KMT2B: variants seen among roughly 807,000 people sequenced by gnomAD.
KMT2B encodes histone-lysine N-methyltransferase 2B.
Under a neutral mutation model 255.3 loss-of-function variants are expected in KMT2B, and 22 were observed. The observed-to-expected ratio is 0.09, with a 90% CI of 0.06 to 0.12. The LOEUF (loss-of-function observed/expected upper bound fraction) is 0.12. KMT2B is among the 10% of genes least tolerant of loss of function. KMT2B has a pLI of 1.00. For synonymous variants in KMT2B, 1,730 were observed against 1,498.1 expected (o/e 1.15, Z -3.57); for missense variants, 3,149 against 3,737.0 (o/e 0.84, Z 4.10).
At chr19:35,719,639 C>T (rs1969100764) in intron 2 of KMT2B, 98 bp downstream of exon 2, 6 of 1,502,164 alleles carry the variant, frequency 4.0e-6, no homozygotes, top group South Asian at 2.4e-5. Context: ...TGTCAGTTGC[C>T]GAATGTGTTC....
Position 35,721,357 on chromosome 19 carries a change from T to A in KMT2B, c.2010T>A (p.Pro670=). ...ACGAATCGGTGCTTACTCCTCCTCC[T>A]CTTGGGGCTCCTGAAGCCCCTGAGC... ...KIYESVLTPP[P]LGAPEAPEPE... The change falls in exon 3 of 37, where the codon CCT becomes CCA. Residue 670 remains proline (P), a synonymous_variant. Transcript: ENST00000420124. 4.4e-6 allele frequency: 7 copies of A among 1,588,916 alleles called. No homozygotes were observed. The highest frequency in any genetic ancestry group is 6.0e-6 in the Non-Finnish European group (7 of 1,169,040).
chr19:35,731,344 G>A (rs1429151725), intron 26 of KMT2B, among the ~76,000 whole-genome samples: 1 of 152,242 alleles, frequency 6.6e-6, no homozygotes, highest in Non-Finnish European at 1.5e-5. Flanking sequence ...AATGGGCTTG[G>A]AGATGGGGGA....
In KMT2B at chr19:35,723,602, C is replaced by T; in HGVS notation, c.3058+100C>T. On this transcript the variant is annotated intron_variant, in intron 7 of 36. Transcript: ENST00000420124. The surrounding 1 kb of genome is among the most constrained non-coding windows in gnomAD (Gnocchi z 7.5). ...GCTCTCCTCCCTTGCAGCTCACCCT[C>T]TCCATCTTCTCCGTTGTGTGCTTTC... is the stretch of plus-strand genomic sequence containing the variant. 1 of 1,295,532 alleles carries T rather than the reference C, an allele frequency of 7.7e-7. No individual in the cohort carries two copies. Among genetic ancestry groups the T allele is most frequent in the Admixed American group, 2.5e-5 (1 of 40,006 alleles). The allele number at this position is 1,295,532 out of a possible 1,614,324, so 80.3% of individuals were successfully genotyped here.
In KMT2B at chr19:35,730,796, G is replaced by A; in HGVS notation, c.5366G>A (p.Arg1789Lys). 1.2e-6 allele frequency: 2 copies of A among 1,613,754 alleles called. No individual in the cohort carries two copies. The highest frequency in any genetic ancestry group is 1.3e-5 in the African/African-American group (1 of 75,058). Residue 1789 changes from arginine (R) to lysine (K), a missense_variant, in exon 26 of 37, where the codon AGG becomes AAG. By Grantham distance (26) the Arg-to-Lys change is conservative. Around this residue, in one of 18 missense-constraint regions of KMT2B, gnomAD observed 34 missense variants for 51.6 expected, o/e 0.66. Coordinates refer to ENST00000420124, the MANE Select transcript of KMT2B (RefSeq NM_014727.3). ...RILEYRPWGPREEPAHLEAAE... is the reference protein window; with the variant it reads ...RILEYRPWGPKEEPAHLEAAE... The stretch of plus-strand genomic sequence containing the variant: ...CTGGAGTATCGGCCATGGGGGCCGA[G>A]GGAAGAGCCAGCTCACCTGGAGGCT...
chr19:35,733,317 A>T lies in KMT2B; in HGVS notation c.6768A>T (p.Pro2256=). The change falls in exon 28 of 37, where the codon CCA becomes CCT. Residue 2256 remains proline, a synonymous_variant. Coordinates refer to ENST00000420124, the MANE Select transcript of KMT2B (RefSeq NM_014727.3). This position sits in a 1 kb window ranked among gnomAD's most constrained non-coding sequence, Gnocchi z 4.3. The part of the protein sequence containing the change: ...VGVVRPAPPP[P]PPPLTLVLSS... Reference sequence around the variant, plus strand: ...TGGTCCGCCCTGCCCCGCCCCCGCCACCCCCTCCCCTGACGCTGGTGCTGA... The same window carrying T: ...TGGTCCGCCCTGCCCCGCCCCCGCCTCCCCCTCCCCTGACGCTGGTGCTGA... 2 of 413,518 alleles carry T rather than the reference A, an allele frequency of 4.8e-6. No individual in the cohort carries two copies. Among genetic ancestry groups the T allele is most frequent in the Non-Finnish European group, 7.2e-6 (2 of 278,266 alleles). The allele number at this position is 413,518 out of a possible 1,614,324, so 25.6% of individuals were successfully genotyped here.
rs750048269 is a variant in KMT2B at position 35,733,326 on chromosome 19, C to T, written c.6777C>T (p.Pro2259=). 2 of 1,536,742 alleles carry T rather than the reference C, an allele frequency of 1.3e-6. No individual in the cohort carries two copies. The highest frequency in any genetic ancestry group is 1.8e-6 in the Non-Finnish European group (2 of 1,136,908). ...VRPAPPPPPP[P]LTLVLSSGPA... Reference sequence around the variant, plus strand: ...CTGCCCCGCCCCCGCCACCCCCTCCCCTGACGCTGGTGCTGAGCAGTGGGC... The same window carrying T: ...CTGCCCCGCCCCCGCCACCCCCTCCTCTGACGCTGGTGCTGAGCAGTGGGC... Residue 2259 remains proline, a synonymous_variant, in exon 28 of 37, where the codon CCC becomes CCT. Transcript: ENST00000420124. The surrounding 1 kb of genome is among the most constrained non-coding windows in gnomAD (Gnocchi z 4.3).
Position 35,733,856 on chromosome 19 carries a change from G to A in KMT2B, c.7143G>A (p.Gln2381=), listed in dbSNP as rs2146472773. 6.2e-7 allele frequency: 1 copy of A among 1,613,060 alleles called. No homozygotes were observed. Among genetic ancestry groups the A allele is most frequent in the South Asian group, 1.1e-5 (1 of 91,052 alleles). Residue 2381 remains glutamine (Q), a synonymous_variant, in exon 30 of 37, where the codon CAG becomes CAA. Transcript: ENST00000420124. This position sits in a 1 kb window ranked among gnomAD's most constrained non-coding sequence, Gnocchi z 4.3. ...DGPPDLLLES[Q]WHHYSGEASS... is the part of the protein sequence containing the mutation. ...CCCCAGACCTGCTGCTTGAGTCCCA[G>A]TGGCACCACTATTCAGGTAGGGACC...
chr19:35,722,939 G>A (rs1969279942), intron 5 of KMT2B, 56 bp from the exon 6 acceptor site: 1 of 1,477,578 alleles, frequency 6.8e-7, no homozygotes, highest in African/African-American at 1.4e-5. Context: ...AGGGAAGTGA[G>A]GTAGAAGCCT....
Position 35,723,826 on chromosome 19 carries a change from T to TG in KMT2B, c.3159dup (p.Pro1054AlafsTer34). ...CAGGCCCACGCCGGGGGGCGGGAGC[T>TG]GGGGGGCCCCGGGAGGAGGTGGTGG... On this transcript the variant is annotated frameshift_variant, in exon 8 of 37. Transcript: ENST00000420124. LOFTEE classifies it high-confidence loss of function. The surrounding 1 kb of genome is among the most constrained non-coding windows in gnomAD (Gnocchi z 7.5). 6.3e-7 allele frequency: 1 copy of TG among 1,595,810 alleles called. No individual in the cohort carries two copies. Among genetic ancestry groups the TG allele is most frequent in the Admixed American group, 1.8e-5 (1 of 57,126 alleles).
chr19:35,724,671 G>A lies in KMT2B; in HGVS notation c.3369G>A (p.Arg1123=). Residue 1123 remains arginine (R), a synonymous_variant, in exon 9 of 37, where the codon CGG becomes CGA. Transcript: ENST00000420124. ...TGCCAGAACCTGAGGAGCAGAGCCGGCCCCGCAAACCTACCCTGCAGCCTG... is the reference window on the plus strand; with the variant it reads ...TGCCAGAACCTGAGGAGCAGAGCCGACCCCGCAAACCTACCCTGCAGCCTG... ...LPLPEPEEQS[R]PRKPTLQPVL... The A allele has an allele frequency of 1.2e-6, 2 of 1,602,762 alleles. No individual in the cohort carries two copies. The highest frequency in any genetic ancestry group is 1.7e-6 in the Non-Finnish European group (2 of 1,175,104).
In KMT2B at chr19:35,728,904, G is replaced by T. The variant is rs770741992; in HGVS notation, c.4687+15G>T. 1.2e-5 allele frequency: 20 copies of T among 1,612,850 alleles called. No homozygotes were observed. Among genetic ancestry groups the T allele is most frequent in the Middle Eastern group, 1.6e-4 (1 of 6,084 alleles). On this transcript the variant is annotated intron_variant, in intron 20 of 36. Transcript: ENST00000420124. ...TCCCTCAGCAGGTACTGGGAAGTGG[G>T]GGTCCAGAAGCCAGGGCCCTGTGTT...
At position 35,732,007 on chromosome 19, in the gene KMT2B, G is replaced by A. The variant is rs770989958; in HGVS notation, c.5537G>A (p.Arg1846Gln). Reference protein sequence around the residue: ...SPIQNLDPPLRPDSGSAPPPA... With the variant: ...SPIQNLDPPLQPDSGSAPPPA... ...ATTCAGAACCTGGACCCTCCACTGC[G>A]GCCAGATTCAGGCAGCGCCCCTCCT... Residue 1846 changes from arginine to glutamine, a missense_variant, in exon 27 of 37, where the codon CGG becomes CAG. Coordinates refer to ENST00000420124, the MANE Select transcript of KMT2B (RefSeq NM_014727.3). 38 of 1,613,640 alleles carry A rather than the reference G, an allele frequency of 2.4e-5. No homozygotes were observed. The highest frequency in any genetic ancestry group is 1.6e-4 in the Middle Eastern group (1 of 6,082).
rs1251020962 is a variant in KMT2B at position 35,727,797 on chromosome 19, A to G, written c.4392+10A>G. The G allele has an allele frequency of 2.5e-6, 4 of 1,613,626 alleles. No individual in the cohort carries two copies. The highest frequency in any genetic ancestry group is 3.4e-6 in the Non-Finnish European group (4 of 1,179,632). The stretch of plus-strand genomic sequence containing the variant: ...CCACTACAAGTCTGTGGTGAGTGGT[A>G]CACCAGGAGGAGCAGGTGGGTGGCA... On this transcript the variant is annotated intron_variant, in intron 17 of 36. Transcript: ENST00000420124. The surrounding 1 kb of genome is among the most constrained non-coding windows in gnomAD (Gnocchi z 4.2).
chr19:35,723,685 A>T lies in KMT2B; in HGVS notation c.3059-47A>T. ...TTTCTGGCTTCTCTCCCAGTGTCCC[A>T]TGTCCCTGGCTGAGCTCAAATCCTA... On this transcript the variant is annotated intron_variant, in intron 7 of 36. Coordinates refer to ENST00000420124, the MANE Select transcript of KMT2B (RefSeq NM_014727.3). The surrounding 1 kb of genome is among the most constrained non-coding windows in gnomAD (Gnocchi z 7.5). The T allele has an allele frequency of 6.8e-7, 1 of 1,481,070 alleles. No homozygotes were observed. The highest frequency in any genetic ancestry group is 1.3e-5 in the South Asian group (1 of 74,812). 91.7% of individuals were successfully genotyped at this position (1,481,070 alleles called of 1,614,324 possible). A position where few individuals can be genotyped will look rare whatever the true frequency, so the allele number is the denominator to read the frequency against.
At chr19:35,736,639 T>G (rs199869132) in intron 30 of KMT2B, 51 bp from the exon 31 acceptor site, 1,367 of 1,602,398 alleles carry the variant, frequency 8.5e-4, no homozygotes, top group Non-Finnish European at 1.1e-3. Context: ...GCTCAGGGGC[T>G]TTTGAGTCCG....
rs116508451 is a variant in KMT2B at position 35,738,261 on chromosome 19, C to T, written c.7873-21C>T. 6.9e-5 allele frequency: 112 copies of T among 1,613,166 alleles called. 1 individual carries two copies. The East Asian group carries it at 2.4e-3, about 35-fold the overall frequency. On this transcript the variant is annotated intron_variant, in intron 36 of 36. Transcript: ENST00000420124. This position sits in a 1 kb window ranked among gnomAD's most constrained non-coding sequence, Gnocchi z 8.7. ...TGTCCGCGGGGACAGAGCACCTGAT[C>T]TCCCCACCTCATCCCTGCAGGGCAT...
rs1171618369 is a variant in KMT2B at position 35,718,388 on chromosome 19, C to CGGTTG, written c.363+9_363+13dup. 3.2e-6 allele frequency: 4 copies of CGGTTG among 1,263,068 alleles called. No individual in the cohort carries two copies. Among genetic ancestry groups the CGGTTG allele is most frequent in the Non-Finnish European group, 4.0e-6 (4 of 996,562 alleles). 78.2% of individuals were successfully genotyped at this position (1,263,068 alleles called of 1,614,324 possible). The stretch of plus-strand genomic sequence containing the variant: ...CGGGGAATCCGACGAGGAGGTGAGG[C>CGGTTG]GGTTGGAGGCGTCCCCGGCGCCGGG... On this transcript the variant is annotated splice_region_variant and intron_variant, in intron 1 of 36. Transcript: ENST00000420124. This position sits in a 1 kb window ranked among gnomAD's most constrained non-coding sequence, Gnocchi z 5.0.
In KMT2B at chr19:35,737,680, G is replaced by C; in HGVS notation, c.7595G>C (p.Arg2532Pro). ...DMFNFLASQH[R>P]VLPEGATCDE... is the part of the protein sequence containing the mutation. ...TTCAACTTCCTGGCCTCCCAGCACC[G>C]GGTGCTCCCTGAGGGGGCCACCTGT... The change falls in exon 34 of 37, where the codon CGG becomes CCG. Residue 2532 changes from arginine to proline, a missense_variant. Coordinates refer to ENST00000420124, the MANE Select transcript of KMT2B (RefSeq NM_014727.3). The surrounding 1 kb of genome is among the most constrained non-coding windows in gnomAD (Gnocchi z 5.3). 1 of 1,579,186 alleles carries C rather than the reference G, an allele frequency of 6.3e-7. No homozygotes were observed. The highest frequency in any genetic ancestry group is 8.6e-7 in the Non-Finnish European group (1 of 1,162,210).
rs758305429 is a variant in KMT2B, at chr19:35,732,583, G to A, written c.6034G>A (p.Ala2012Thr). The part of the protein sequence containing the change: ...PFQEEIVAAG[A>T]MGSSHGGPGD... Reference sequence around the variant, plus strand: ...CCAGGAAGAGATTGTAGCCGCTGGGGCCATGGGGAGCAGCCACGGGGGCCC... The same window carrying A: ...CCAGGAAGAGATTGTAGCCGCTGGGACCATGGGGAGCAGCCACGGGGGCCC... The change falls in exon 28 of 37, where the codon GCC becomes ACC. Residue 2012 changes from alanine (A) to threonine (T), a missense_variant. Around this residue, in one of 18 missense-constraint regions of KMT2B, gnomAD observed 897 missense variants for 825.3 expected, o/e 1.09. Coordinates refer to ENST00000420124, the MANE Select transcript of KMT2B (RefSeq NM_014727.3). 2 of 1,613,418 alleles carry A rather than the reference G, an allele frequency of 1.2e-6. No homozygotes were observed. Among genetic ancestry groups the A allele is most frequent in the Non-Finnish European group, 1.7e-6 (2 of 1,179,810 alleles).
Sources: allele counts gnomAD v4.1 joint callset (sites outside exome capture counted in the v4.1 genomes callset), GRCh38; gene constraint gnomAD v4.1.1; regional missense constraint gnomAD v4.1.1; non-coding constraint Gnocchi (gnomAD v3.1); transcripts MANE v1.5; gene names NCBI Gene and HGNC (gene_info 2026-07-23, HGNC 2026-07-21).